Variants in IQCF3 observed in about 807,000 individuals in gnomAD.
IQCF3 encodes IQ domain-containing protein F3.
Under a neutral mutation model 5.1 loss-of-function variants are expected in IQCF3, and 7 were observed. The ratio of observed to expected loss-of-function variants is 1.36; its 90% CI spans 0.78 to 2.56. The LOEUF (loss-of-function observed/expected upper bound fraction) is 2.56. IQCF3 is among the 30% of genes most tolerant of loss of function. The pLI is 0.00. For missense variants in IQCF3, 189 were observed against 196.5 expected (o/e 0.96, Z 0.23); for synonymous variants, 82 against 72.8 (o/e 1.13, Z -0.64).
At chr3:51,827,744 A>G (rs1009134402), upstream of IQCF3, among the ~76,000 whole-genome samples, 2 of 152,248 alleles carry the variant, frequency 1.3e-5, no homozygotes, top group Admixed American at 6.5e-5. Context: ...TTTGTTGTAC[A>G]GATTATTTCA....
Position 51,830,749 on chromosome 3 carries a change from A to G in IQCF3, c.413A>G (p.Tyr138Cys), listed in dbSNP as rs1698359586. 4 of 1,608,800 alleles carry G rather than the reference A, an allele frequency of 2.5e-6. No homozygotes were observed. The highest frequency in any genetic ancestry group is 1.7e-5 in the Admixed American group (1 of 59,638). Reference sequence around the variant, plus strand: ...ACTGATGGCTTTTTACAGGTCCAATATGCAATCCCTTCAAAGCAGCCAGAG... The same window carrying G: ...ACTGATGGCTTTTTACAGGTCCAATGTGCAATCCCTTCAAAGCAGCCAGAG... ...FQTDGFLQVQ[Y>C]AIPSKQPEFH... The change falls in exon 3 of 3, where the codon TAT becomes TGT. Residue 138 changes from tyrosine to cysteine, a missense_variant. By Grantham distance (194) the Tyr-to-Cys change is radical. Coordinates refer to ENST00000440739, the MANE Select transcript of IQCF3 (RefSeq NM_001393887.1). This position sits in a 1 kb window ranked among gnomAD's most constrained non-coding sequence, Gnocchi z 4.1.
chr3:51,828,223 T>A (rs990547084), upstream of IQCF3: 4 of 152,170 alleles, frequency 2.6e-5, no homozygotes, highest in Admixed American at 2.0e-4. Context: ...ATAGGAGTGG[T>A]GAGAGAGGCC....
rs1177132442 is a variant in IQCF3 at position 51,830,079 on chromosome 3, T to C, written c.67-324T>C. 6.6e-6 allele frequency among the ~76,000 whole-genome samples: 1 copy of C among 152,074 alleles called. No individual in the cohort carries two copies. The highest frequency in any genetic ancestry group is 1.5e-5 in the Non-Finnish European group (1 of 68,006). ...GGAGTTTGGACCAAGACACAGGCCA[T>C]AAATGCAGAGGTTCATGGATTCTTA... is the stretch of plus-strand genomic sequence containing the variant. On this transcript the variant is annotated intron_variant, in intron 2 of 2. Transcript: ENST00000440739. This position sits in a 1 kb window ranked among gnomAD's most constrained non-coding sequence, Gnocchi z 4.1.
chr3:51,830,480 G>C lies in IQCF3; in HGVS notation c.144G>C (p.Leu48=), dbSNP rs1559721962. ...GQIQAWWRGV[L]VRRTLLVAAL... ...TCCAGGCCTGGTGGCGTGGGGTCCT[G>C]GTGCGCAGGACCCTGCTGGTTGCTG... Residue 48 remains leucine (L), a synonymous_variant, in exon 3 of 3, where the codon CTG becomes CTC. Coordinates refer to ENST00000440739, the MANE Select transcript of IQCF3 (RefSeq NM_001393887.1). This position sits in a 1 kb window ranked among gnomAD's most constrained non-coding sequence, Gnocchi z 4.1. 6.2e-7 allele frequency: 1 copy of C among 1,612,038 alleles called. No individual in the cohort carries two copies. The highest frequency in any genetic ancestry group is 8.5e-7 in the Non-Finnish European group (1 of 1,178,964).
At chr3:51,829,223 C>T (rs1698329436), upstream of IQCF3, 2 of 538,514 alleles carry the variant, frequency 3.7e-6, no homozygotes, top group Non-Finnish European at 6.8e-6. Flanking sequence ...AAAAAGTTAA[C>T]AGGCAGATGA....
upstream of IQCF3, chr3:51,829,364 A>T: frequency 8.2e-7 from 1 of 1,224,776 alleles, no homozygotes; most frequent in South Asian, 1.3e-5. Context: ...GCCCCTGGTC[A>T]TAGTTGCCTT....
intron 2 of IQCF3, 64 bp downstream of exon 2, chr3:51,829,776 A>G: frequency 6.6e-7 from 1 of 1,507,518 alleles, no homozygotes; most frequent in Non-Finnish European, 9.2e-7. Context: ...CAGAGTTCTT[A>G]GAATGGAGAT....
intron 2 of IQCF3, 115 bp downstream of exon 2, chr3:51,829,827 C>G (rs1698341224): frequency 3.9e-6 from 4 of 1,027,390 alleles, no homozygotes; most frequent in Non-Finnish European, 4.4e-6. Context: ...CCCTCAAGCC[C>G]TCCCTCTCCT....
At chr3:51,829,814 AT>A in intron 2 of IQCF3, 102 bp downstream of exon 2, 1 of 1,166,780 alleles carries the variant, frequency 8.6e-7, no homozygotes, top group Non-Finnish European at 1.3e-6. Context: ...TTGCCCTCTT[AT>A]CCCCTCAAGC....
rs760297595 is a variant in IQCF3 at position 51,829,487 on chromosome 3, A to G, written c.12A>G (p.Lys4=). 6.3e-7 allele frequency: 1 copy of G among 1,598,540 alleles called. No homozygotes were observed. Among genetic ancestry groups the G allele is most frequent in the Non-Finnish European group, 8.5e-7 (1 of 1,172,564 alleles). ...CACTGCTCCAAACCATGGGCAGTAAATGCTGTGTAAGACTCAGGCACACAA... is the reference window on the plus strand; with the variant it reads ...CACTGCTCCAAACCATGGGCAGTAAGTGCTGTGTAAGACTCAGGCACACAA... MGS[K]CCKGGPDEDA... The change falls in exon 1 of 3, where the codon AAA becomes AAG. Residue 4 remains lysine, a synonymous_variant. Coordinates refer to ENST00000440739, the MANE Select transcript of IQCF3 (RefSeq NM_001393887.1).
chr3:51,827,687 G>A (rs998952433), upstream of IQCF3, among the ~76,000 whole-genome samples: 2 of 151,832 alleles, frequency 1.3e-5, no homozygotes, highest in East Asian at 3.9e-4. Context: ...TTAGGTTCAG[G>A]GGTATATGTG....
At chr3:51,829,387 G>A (rs191601727), upstream of IQCF3, 23 of 1,465,328 alleles carry the variant, frequency 1.6e-5, no homozygotes, top group Admixed American at 5.9e-5. Context: ...TGACATCACG[G>A]CCATCTCTTT....
rs748863710 is a variant in IQCF3 at position 51,830,587 on chromosome 3, G to C, written c.251G>C (p.Arg84Thr). The change falls in exon 3 of 3, where the codon AGG becomes ACG. Residue 84 changes from arginine (R) to threonine (T), a missense_variant. Physicochemically the swap from Arg to Thr is moderately conservative, Grantham distance 71. Transcript: ENST00000440739. The surrounding 1 kb of genome is among the most constrained non-coding windows in gnomAD (Gnocchi z 4.1). ...RIRQRRQALL[R>T]VYVIQEQATV... ...CGTCAGCGGCGGCAGGCCCTGTTGA[G>C]GGTCTACGTCATCCAGGAGCAGGCG... 5 of 1,613,840 alleles carry C rather than the reference G, an allele frequency of 3.1e-6. 1 individual carries two copies. The highest frequency in any genetic ancestry group is 3.3e-5 in the Admixed American group (2 of 60,000).
rs887912980 is a variant in IQCF3 at position 51,830,326 on chromosome 3, G to A, written c.67-77G>A. The stretch of plus-strand genomic sequence containing the variant: ...CCTGGGTCCTCAAAACCAGCAGGGA[G>A]AGGGCTGATTCTTTAGAGAACCACC... On this transcript the variant is annotated intron_variant, in intron 2 of 2. Coordinates refer to ENST00000440739, the MANE Select transcript of IQCF3 (RefSeq NM_001393887.1). The surrounding 1 kb of genome is among the most constrained non-coding windows in gnomAD (Gnocchi z 4.1). 2 of 1,493,280 alleles carry A rather than the reference G, an allele frequency of 1.3e-6. No homozygotes were observed. Among genetic ancestry groups the A allele is most frequent in the Non-Finnish European group, 1.8e-6 (2 of 1,116,880 alleles). 92.5% of individuals were successfully genotyped at this position (1,493,280 alleles called of 1,614,324 possible).
At position 51,830,418 on chromosome 3, in the gene IQCF3, C is replaced by T. The variant is rs572997890; in HGVS notation, c.82C>T (p.Leu28=). 8.4e-6 allele frequency: 13 copies of T among 1,547,280 alleles called. No individual in the cohort carries two copies. Among genetic ancestry groups the T allele is most frequent in the Non-Finnish European group, 9.6e-6 (11 of 1,149,462 alleles). Residue 28 remains leucine, a synonymous_variant, in exon 3 of 3, where the codon CTG becomes TTG. Coordinates refer to ENST00000440739, the MANE Select transcript of IQCF3 (RefSeq NM_001393887.1). The surrounding 1 kb of genome is among the most constrained non-coding windows in gnomAD (Gnocchi z 4.1). ...QRRQKLLLAQ[L]HHRKRVKAAG... is the part of the protein sequence containing the mutation. ...GCTTGGCCAGTTGCTTCTTGCACAA[C>T]TGCATCACAGAAAAAGGGTGAAGGC...
upstream of IQCF3, chr3:51,829,169 A>T (rs149218474): frequency 5.5e-4 from 240 of 437,034 alleles, 2 homozygotes; most frequent in East Asian, 0.01. Flanking sequence ...GGATTTGAGC[A>T]TATCAAAAAT....
At chr3:51,827,411 A>C (rs1246193205), upstream of IQCF3, 2 of 152,182 alleles carry the variant, frequency 1.3e-5, no homozygotes, top group Non-Finnish European at 2.9e-5. Context: ...CATAGGAGAA[A>C]TATACAGAAG....
Position 51,830,561 on chromosome 3 carries a change from C to G in IQCF3, c.225C>G (p.Ile75Met). 1 of 1,613,954 alleles carries G rather than the reference C, an allele frequency of 6.2e-7. No homozygotes were observed. Among genetic ancestry groups the G allele is most frequent in the Non-Finnish European group, 8.5e-7 (1 of 1,179,864 alleles). The change falls in exon 3 of 3, where the codon ATC (isoleucine) becomes ATG (methionine). Residue 75 changes from isoleucine to methionine, a missense_variant. Transcript: ENST00000440739. The surrounding 1 kb of genome is among the most constrained non-coding windows in gnomAD (Gnocchi z 4.1). ...GGAGGACGTTGGTGCAGAGACGGAT[C>G]CGTCAGCGGCGGCAGGCCCTGTTGA... is the stretch of plus-strand genomic sequence containing the variant. Reference protein sequence around the residue: ...CWWRTLVQRRIRQRRQALLRV... With the variant: ...CWWRTLVQRRMRQRRQALLRV...
Position 51,830,323 on chromosome 3 carries a change from G to A in IQCF3, c.67-80G>A. On this transcript the variant is annotated intron_variant, in intron 2 of 2. Coordinates refer to ENST00000440739, the MANE Select transcript of IQCF3 (RefSeq NM_001393887.1). This position sits in a 1 kb window ranked among gnomAD's most constrained non-coding sequence, Gnocchi z 4.1. ...TCTCCTGGGTCCTCAAAACCAGCAGGGAGAGGGCTGATTCTTTAGAGAACC... is the reference window on the plus strand; with the variant it reads ...TCTCCTGGGTCCTCAAAACCAGCAGAGAGAGGGCTGATTCTTTAGAGAACC... 2.0e-6 allele frequency: 3 copies of A among 1,489,054 alleles called. No individual in the cohort carries two copies. Among genetic ancestry groups the A allele is most frequent in the African/African-American group, 1.4e-5 (1 of 71,188 alleles). The allele number at this position is 1,489,054 out of a possible 1,614,324, so 92.2% of individuals were successfully genotyped here. A position where few individuals can be genotyped will look rare whatever the true frequency, so the allele number is the denominator to read the frequency against.
Sources: allele counts gnomAD v4.1 joint callset (sites outside exome capture counted in the v4.1 genomes callset), GRCh38; gene constraint gnomAD v4.1.1; non-coding constraint Gnocchi (gnomAD v3.1); transcripts MANE v1.5; gene names NCBI Gene and HGNC (gene_info 2026-07-23, HGNC 2026-07-21).